The following TEFM variants were observed in gnomAD, a reference collection of about 807,000 sequenced individuals.
The protein encoded by TEFM is transcription elongation factor, mitochondrial, also known as transcription elongation factor of mitochondria.
Under a neutral mutation model 23.0 loss-of-function variants are expected in TEFM, and 14 were observed. The observed-to-expected ratio is 0.61, with a 90% CI of 0.40 to 0.95. The LOEUF is 0.95. Ranked by LOEUF, TEFM falls within the 40% of genes least tolerant of loss-of-function variation. TEFM has a pLI of 0.00. For synonymous variants in TEFM, 155 were observed against 158.3 expected, an observed-to-expected ratio of 0.98 and a Z score of 0.16; for missense variants, 386 against 425.5, an observed-to-expected ratio of 0.91 and a Z score of 0.82.
Position 30,904,461 on chromosome 17 carries a change from G to A in TEFM, c.100C>T (p.Arg34Trp), listed in dbSNP as rs201502850. The A allele has an allele frequency of 7.7e-5, 125 of 1,614,056 alleles. 3 individuals are homozygous for A. In the Middle Eastern group the frequency reaches 1.8e-3, roughly 23 times the overall value. ...LYWALHNFCC[R>W]KKSTTPKKIT... ...TTCTTAGGTGTAGTGGATTTTTTCCGACAGCAGAAATTATGTAAGGCCCAG... is the reference window on the plus strand; with the variant it reads ...TTCTTAGGTGTAGTGGATTTTTTCCAACAGCAGAAATTATGTAAGGCCCAG... The change falls in exon 2 of 4, where the codon CGG (arginine) becomes TGG (tryptophan). Residue 34 changes from arginine (R) to tryptophan (W), a missense_variant. Arg to Trp is a moderately radical substitution (Grantham distance 101, BLOSUM62 -3). Coordinates refer to ENST00000581216, the MANE Select transcript of TEFM (RefSeq NM_024683.4).
intron 2 of TEFM, among the ~76,000 whole-genome samples, chr17:30,903,098 A>C (rs1368034905): frequency 7.3e-6 from 1 of 136,504 alleles, no homozygotes; most frequent in Non-Finnish European, 1.5e-5. Flanking sequence ...AGATCATGCC[A>C]CTGTACTCCA....
chr17:30,905,196 GGA>G (rs2142477859), intron 1 of TEFM, among the ~76,000 whole-genome samples: 1 of 152,160 alleles, frequency 6.6e-6, no homozygotes, highest in East Asian at 1.9e-4. Context: ...TTAATTTAGA[GGA>G]ATCTTTTTGT....
chr17:30,902,730 C>T (rs1232937858), intron 2 of TEFM, among the ~76,000 whole-genome samples: 1 of 149,544 alleles, frequency 6.7e-6, no homozygotes, highest in Non-Finnish European at 1.5e-5. Flanking sequence ...TTCAAAAGTA[C>T]CCATATTCCT....
At chr17:30,904,993 A>T (rs1910136608) in intron 1 of TEFM, among the ~76,000 whole-genome samples, 1 of 152,036 alleles carries the variant, frequency 6.6e-6, no homozygotes. Context: ...ATCATCTTTA[A>T]AAGAGGATTA....
At chr17:30,900,612 C>CT in intron 2 of TEFM, 50 bp from the exon 3 acceptor site, 9 of 1,554,580 alleles carry the variant, frequency 5.8e-6, no homozygotes, top group Admixed American at 3.7e-5. Context: ...TTAGTTTTTT[C>CT]TTTTTTTGAG....
intron 2 of TEFM, among the ~76,000 whole-genome samples, chr17:30,902,137 T>C (rs1234214432): frequency 6.6e-6 from 1 of 152,216 alleles, no homozygotes; most frequent in Non-Finnish European, 1.5e-5. Context: ...GGGCTGACGA[T>C]GAAGTACAAT....
chr17:30,902,744 A>G (rs1037409944), intron 2 of TEFM, among the ~76,000 whole-genome samples: 1 of 148,010 alleles, frequency 6.8e-6, no homozygotes, highest in African/African-American at 2.5e-5. Context: ...TATTCCTCAA[A>G]AAACGGACCC....
At chr17:30,904,651 G>A (rs991427174) in intron 1 of TEFM, 122 bp from the exon 2 acceptor site, 3 of 661,260 alleles carry the variant, frequency 4.5e-6, no homozygotes, top group African/African-American at 3.7e-5. Flanking sequence ...AACTAATAGA[G>A]GACAATATTA....
chr17:30,901,398 A>G (rs1910044179), intron 2 of TEFM, among the ~76,000 whole-genome samples: 1 of 152,220 alleles, frequency 6.6e-6, no homozygotes, highest in Non-Finnish European at 1.5e-5. Flanking sequence ...TGCCCAAAGT[A>G]GGCATTCAAA....
At position 30,899,583 on chromosome 17, in the gene TEFM, C is replaced by T. The variant is rs373184671; in HGVS notation, c.669G>A (p.Met223Ile). 4.5e-6 allele frequency: 7 copies of T among 1,553,382 alleles called. No homozygotes were observed. In the African/African-American group the frequency reaches 9.7e-5, roughly 21 times the overall value. Reference protein sequence around the residue: ...LEEISSIISKMPKADFYVLEK... With the variant: ...LEEISSIISKIPKADFYVLEK... Reference sequence around the variant, plus strand: ...CCAGAACATAGAAATCTGCTTTAGGCATCTTTGAAATGATCGAGGAAATCT... The same window carrying T: ...CCAGAACATAGAAATCTGCTTTAGGTATCTTTGAAATGATCGAGGAAATCT... Residue 223 changes from methionine (M) to isoleucine (I), a missense_variant, in exon 4 of 4, where the codon ATG becomes ATA. Met to Ile is a conservative substitution (Grantham distance 10, BLOSUM62 1). Transcript: ENST00000581216.
chr17:30,900,632 C>A, intron 2 of TEFM, 70 bp from the exon 3 acceptor site: 1 of 1,387,450 alleles, frequency 7.2e-7, no homozygotes, highest in South Asian at 1.3e-5. Flanking sequence ...GACGGAGTCT[C>A]GCTCTGTCTC....
Position 30,904,381 on chromosome 17 carries a change from T to C in TEFM, c.180A>G (p.Ala60=). The part of the protein sequence containing the change: ...CDENAKEPEN[A]LDKLFSSEQQ... ...GTTCTGAAGAGAAGAGCTTGTCAAG[T>C]GCATTTTCGGGCTCCTTTGCATTTT... is the stretch of plus-strand genomic sequence containing the variant. The change falls in exon 2 of 4, where the codon GCA becomes GCG. Residue 60 remains alanine (A), a synonymous_variant. Coordinates refer to ENST00000581216, the MANE Select transcript of TEFM (RefSeq NM_024683.4). The C allele has an allele frequency of 6.2e-7, 1 of 1,614,192 alleles. No homozygotes were observed. Among genetic ancestry groups the C allele is most frequent in the Non-Finnish European group, 8.5e-7 (1 of 1,180,032 alleles).
intron 3 of TEFM, 118 bp from the exon 4 acceptor site, chr17:30,899,724 G>A: frequency 1.4e-6 from 1 of 708,370 alleles, no homozygotes. Flanking sequence ...ATACTATATT[G>A]ACAATTTTGA....
intron 2 of TEFM, among the ~76,000 whole-genome samples, chr17:30,901,368 T>C (rs912725724): frequency 9.2e-5 from 14 of 152,328 alleles, no homozygotes; most frequent in African/African-American, 3.4e-4. Context: ...ATAAAGGACC[T>C]ATACTCATTC....
At chr17:30,903,840 T>C (rs565018067) in intron 2 of TEFM, among the ~76,000 whole-genome samples, 3 of 152,302 alleles carry the variant, frequency 2.0e-5, no homozygotes, top group South Asian at 2.1e-4. Context: ...AAGACCTAAA[T>C]TGAGTTCTTC....
At position 30,904,418 on chromosome 17, in the gene TEFM, G is replaced by T; in HGVS notation, c.143C>A (p.Thr48Asn). The change falls in exon 2 of 4, where the codon ACT (threonine) becomes AAT (asparagine). Residue 48 changes from threonine (T) to asparagine (N), a missense_variant. Transcript: ENST00000581216. Reference sequence around the variant, plus strand: ...CTCCTTTGCATTTTCATCACAAAAAGTAACATTGGGAGTAATTTTCTTAGG... The same window carrying T: ...CTCCTTTGCATTTTCATCACAAAAATTAACATTGGGAGTAATTTTCTTAGG... ...TTPKKITPNV[T>N]FCDENAKEPE... 6.2e-7 allele frequency: 1 copy of T among 1,614,186 alleles called. No homozygotes were observed. The highest frequency in any genetic ancestry group is 1.1e-5 in the South Asian group (1 of 91,088).
rs1680564098 is a variant in TEFM at position 30,904,424 on chromosome 17, T to C, written c.137A>G (p.Asn46Ser). 5 of 1,614,126 alleles carry C rather than the reference T, an allele frequency of 3.1e-6. No homozygotes were observed. Among genetic ancestry groups the C allele is most frequent in the South Asian group, 1.1e-5 (1 of 91,082 alleles). ...KSTTPKKITP[N>S]VTFCDENAKE... ...TGCATTTTCATCACAAAAAGTAACA[T>C]TGGGAGTAATTTTCTTAGGTGTAGT... Residue 46 changes from asparagine to serine, a missense_variant, in exon 2 of 4, where the codon AAT (asparagine) becomes AGT (serine). Transcript: ENST00000581216.
In TEFM at chr17:30,900,510, G is replaced by A. The variant is rs1910016640; in HGVS notation, c.548C>T (p.Ala183Val). The A allele has an allele frequency of 6.2e-7, 1 of 1,614,132 alleles. No homozygotes were observed. The highest frequency in any genetic ancestry group is 2.2e-5 in the East Asian group (1 of 44,882). ...IVFGTRRIAW[A>V]HLDRKLTVLD... ...CACTGTCAACTTACGATCAAGGTGA[G>A]CCCAGGCAATTCTTCGAGTACCAAA... Residue 183 changes from alanine (A) to valine (V), a missense_variant, in exon 3 of 4, where the codon GCT becomes GTT. Transcript: ENST00000581216.
intron 2 of TEFM, among the ~76,000 whole-genome samples, chr17:30,903,179 T>C (rs1308483639): frequency 6.7e-6 from 1 of 148,838 alleles, no homozygotes; most frequent in Non-Finnish European, 1.5e-5. Flanking sequence ...CAAATATTTC[T>C]AGTATTTATT....
Sources: allele counts gnomAD v4.1 joint callset (sites outside exome capture counted in the v4.1 genomes callset), GRCh38; gene constraint gnomAD v4.1.1; transcripts MANE v1.5; gene names NCBI Gene and HGNC (gene_info 2026-07-23, HGNC 2026-07-21).